The following WNT3A variants were observed in gnomAD, a reference collection of about 807,000 sequenced individuals.
WNT3A encodes protein Wnt-3a.
Under a neutral mutation model 37.0 loss-of-function variants are expected in WNT3A, and 17 were observed. The ratio of observed to expected loss-of-function variants is 0.46; its 90% CI spans 0.31 to 0.69. The LOEUF (loss-of-function observed/expected upper bound fraction) is 0.69. Among genes scored for constraint, WNT3A ranks in the 30% least tolerant of loss-of-function variants. WNT3A has a pLI of 0.05. For missense variants in WNT3A, 411 were observed against 510.2 expected (o/e 0.81, Z 1.87); for synonymous variants, 187 against 211.0 (o/e 0.89, Z 0.99).
chr1:228,051,585 G>T (rs78125263), intron 3 of WNT3A, among the ~76,000 whole-genome samples: 1,935 of 152,262 alleles, frequency 0.013, 36 homozygotes, highest in African/African-American at 0.044. Flanking sequence ...TACCTTGTCC[G>T]GTGAGGGCCT....
rs2031021441 is a variant in WNT3A, at chr1:228,031,970, G to A, written c.313+9062G>A. ...AAGCAGGAAGCCTGTCCTGCTTGGA[G>A]CCATACCAGGTGATGGAGGAAGGCT... On this transcript the variant is annotated intron_variant, in intron 2 of 3. Coordinates refer to ENST00000284523, the MANE Select transcript of WNT3A (RefSeq NM_033131.4). The surrounding 1 kb of genome is among the most constrained non-coding windows in gnomAD (Gnocchi z 4.8). Among the ~76,000 whole-genome samples the A allele has an allele frequency of 6.6e-6, 1 of 152,150 alleles. No homozygotes were observed. The highest frequency in any genetic ancestry group is 2.4e-5 in the African/African-American group (1 of 41,418).
At chr1:228,034,842 T>A (rs2102770760) in intron 2 of WNT3A, among the ~76,000 whole-genome samples, 1 of 152,248 alleles carries the variant, frequency 6.6e-6, no homozygotes, top group Non-Finnish European at 1.5e-5. Flanking sequence ...TATCAATGGC[T>A]CCCACTCTTG....
chr1:228,041,538 TCCATCCATCCATCCA>T (rs1301994210), intron 2 of WNT3A, among the ~76,000 whole-genome samples: 4 of 151,772 alleles, frequency 2.6e-5, no homozygotes, highest in Non-Finnish European at 5.9e-5. Context: ...CATCCATCCA[TCCATCCATCCATCCA>T]CCATCCATCA....
chr1:228,008,822 T>G lies in WNT3A; in HGVS notation c.71+1623T>G, dbSNP rs1307314965. ...CCTGGCAACCCCGCGCCCTAGGATC[T>G]TTGTCTTGTCGGCCCTGAGGGTTCC... On this transcript the variant is annotated intron_variant, in intron 1 of 3. Transcript: ENST00000284523. The surrounding 1 kb of genome is among the most constrained non-coding windows in gnomAD (Gnocchi z 4.9). Among the ~76,000 whole-genome samples, 2 of 152,168 alleles carry G rather than the reference T, an allele frequency of 1.3e-5. No individual in the cohort carries two copies. The highest frequency in any genetic ancestry group is 2.9e-5 in the Non-Finnish European group (2 of 68,018).
chr1:228,028,732 T>C (rs189241485), intron 2 of WNT3A, among the ~76,000 whole-genome samples: 4 of 152,318 alleles, frequency 2.6e-5, no homozygotes, highest in African/African-American at 7.2e-5. Flanking sequence ...AGTATTGTCA[T>C]GTTCACAATA....
intron 2 of WNT3A, among the ~76,000 whole-genome samples, chr1:228,040,161 A>G (rs190973118): frequency 3.9e-5 from 6 of 152,352 alleles, no homozygotes; most frequent in African/African-American, 1.4e-4. Flanking sequence ...GAGCTGCAGG[A>G]GCCCATAATG....
At chr1:228,046,522 G>T (rs962074502) in intron 2 of WNT3A, among the ~76,000 whole-genome samples, 1 of 151,198 alleles carries the variant, frequency 6.6e-6, no homozygotes, top group African/African-American at 2.4e-5. Flanking sequence ...ATTCATGTAT[G>T]TGTATGTGTT....
Position 228,059,068 on chromosome 1 carries a change from A to C in WNT3A, c.662A>C (p.Gln221Pro). Residue 221 changes from glutamine to proline, a missense_variant, in exon 4 of 4, where the codon CAA (glutamine) becomes CCA (proline). Gln to Pro is a moderately conservative substitution (Grantham distance 76). Transcript: ENST00000284523. ...GAGGTGAAGACATGCTGGTGGTCGC[A>C]ACCCGACTTCCGCGCCATCGGTGAC... ...SCEVKTCWWSQPDFRAIGDFL... is the reference protein window; with the variant it reads ...SCEVKTCWWSPPDFRAIGDFL... 6.2e-7 allele frequency: 1 copy of C among 1,613,622 alleles called. No homozygotes were observed. Among genetic ancestry groups the C allele is most frequent in the Non-Finnish European group, 8.5e-7 (1 of 1,179,956 alleles).
In WNT3A at chr1:228,050,317, T is replaced by C. The variant is rs1220315606; in HGVS notation, c.314-339T>C. Among the ~76,000 whole-genome samples, 1 of 152,358 alleles carries C rather than the reference T, an allele frequency of 6.6e-6. No homozygotes were observed. The highest frequency in any genetic ancestry group is 3.4e-3 in the Middle Eastern group (1 of 294). The stretch of plus-strand genomic sequence containing the variant: ...CTGGGATTACAGGCATGAGCCACTG[T>C]ACTTAGCCAAAGTTGCTTGTTAAAA... On this transcript the variant is annotated intron_variant, in intron 2 of 3. Coordinates refer to ENST00000284523, the MANE Select transcript of WNT3A (RefSeq NM_033131.4). The surrounding 1 kb of genome is among the most constrained non-coding windows in gnomAD (Gnocchi z 5.0).
intron 2 of WNT3A, among the ~76,000 whole-genome samples, chr1:228,045,889 A>G (rs907887853): frequency 1.3e-4 from 20 of 152,204 alleles, no homozygotes; most frequent in African/African-American, 4.8e-4. Context: ...CCCAGGAAAT[A>G]TCTATGGGCT....
At chr1:228,012,608 TG>T (rs1193877863) in intron 1 of WNT3A, among the ~76,000 whole-genome samples, 3 of 152,108 alleles carry the variant, frequency 2.0e-5, no homozygotes, top group Non-Finnish European at 4.4e-5. Context: ...ACTTCTAACT[TG>T]CCCCCTTTAA....
At chr1:228,049,517 C>T (rs2031496319) in intron 2 of WNT3A, among the ~76,000 whole-genome samples, 1 of 152,186 alleles carries the variant, frequency 6.6e-6, no homozygotes, top group African/African-American at 2.4e-5. Flanking sequence ...ACACGGGTTT[C>T]CTCTGGGGCA....
chr1:228,041,963 G>A (rs2031294592), intron 2 of WNT3A, among the ~76,000 whole-genome samples: 1 of 152,188 alleles, frequency 6.6e-6, no homozygotes. Context: ...ATCATATTGA[G>A]CAGCAGTCCA....
intron 3 of WNT3A, among the ~76,000 whole-genome samples, chr1:228,052,342 C>G (rs1296235288): frequency 1.3e-5 from 2 of 152,022 alleles, no homozygotes; most frequent in Non-Finnish European, 2.9e-5. Flanking sequence ...TAGGGTTTCA[C>G]CATGTTGGCC....
At chr1:228,058,458 G>A (rs2031724992) in intron 3 of WNT3A, among the ~76,000 whole-genome samples, 1 of 152,332 alleles carries the variant, frequency 6.6e-6, no homozygotes, top group Non-Finnish European at 1.5e-5. Flanking sequence ...GGTCCTGCCC[G>A]GTCCCCCAAC....
intron 1 of WNT3A, among the ~76,000 whole-genome samples, chr1:228,015,253 G>T (rs1487571955): frequency 1.3e-5 from 2 of 152,206 alleles, no homozygotes; most frequent in African/African-American, 4.8e-5. Flanking sequence ...CAGCCCTGCC[G>T]TTCCCTCCAG....
intron 1 of WNT3A, among the ~76,000 whole-genome samples, chr1:228,021,353 C>G (rs554634112): frequency 6.6e-6 from 1 of 152,318 alleles, no homozygotes; most frequent in South Asian, 2.1e-4. Context: ...CAGAGCACAG[C>G]CTGGGAGCTG....
chr1:228,032,516 C>T (rs2031035705), intron 2 of WNT3A, among the ~76,000 whole-genome samples: 1 of 152,232 alleles, frequency 6.6e-6, no homozygotes, highest in African/African-American at 2.4e-5. Flanking sequence ...GGAGCCTGGT[C>T]ATATACCAGA....
In WNT3A at chr1:228,050,524, C is replaced by G. The variant is rs2031519986; in HGVS notation, c.314-132C>G. 8.7e-7 allele frequency: 1 copy of G among 1,151,040 alleles called. No homozygotes were observed. Among genetic ancestry groups the G allele is most frequent in the Non-Finnish European group, 1.2e-6 (1 of 851,444 alleles). 71.3% of individuals were successfully genotyped at this position (1,151,040 alleles called of 1,614,324 possible). On this transcript the variant is annotated intron_variant, in intron 2 of 3. Transcript: ENST00000284523. This position sits in a 1 kb window ranked among gnomAD's most constrained non-coding sequence, Gnocchi z 5.0. Reference sequence around the variant, plus strand: ...CTGTAGATCCGTGAACCAAGTAAGCCTCTTTGCCTTATACACCACCCAACC... The same window carrying G: ...CTGTAGATCCGTGAACCAAGTAAGCGTCTTTGCCTTATACACCACCCAACC...
Sources: allele counts gnomAD v4.1 joint callset (sites outside exome capture counted in the v4.1 genomes callset), GRCh38; gene constraint gnomAD v4.1.1; non-coding constraint Gnocchi (gnomAD v3.1); transcripts MANE v1.5; gene names NCBI Gene and HGNC (gene_info 2026-07-23, HGNC 2026-07-21).